The following SV2C variants were observed in gnomAD, a reference collection of about 807,000 sequenced individuals.
The protein encoded by SV2C is solute carrier family 22 member B3.
Under a neutral mutation model 79.7 loss-of-function variants are expected in SV2C, and 49 were observed. The observed-to-expected ratio is 0.61, with a 90% CI of 0.49 to 0.78. The LOEUF is 0.78. Ranked by LOEUF, SV2C falls within the 30% of genes least tolerant of loss-of-function variation. SV2C has a pLI of 0.00. For missense variants in SV2C, 833 were observed against 912.9 expected (o/e 0.91, Z 1.13); for synonymous variants, 334 against 333.2 (o/e 1.00, Z -0.03).
the SV2C span, among the ~76,000 whole-genome samples, chr5:75,935,508 A>C: frequency 6.6e-6 from 1 of 152,160 alleles, no homozygotes; most frequent in African/African-American, 2.4e-5. Context: ...AATAGTATAA[A>C]ATTGAAAATA....
Position 76,300,795 on chromosome 5 carries a change from G to T in SV2C, c.1703G>T (p.Gly568Val). 1 of 1,614,156 alleles carries T rather than the reference G, an allele frequency of 6.2e-7. No individual in the cohort carries two copies. The highest frequency in any genetic ancestry group is 1.1e-5 in the South Asian group (1 of 91,088). ...KNCSFFHNKT[G>V]CQITFDDDYS... is the part of the protein sequence containing the mutation. Reference sequence around the variant, plus strand: ...TGCTCGTTTTTTCACAACAAGACGGGATGTCAGATTACCTTTGATGATGAC... The same window carrying T: ...TGCTCGTTTTTTCACAACAAGACGGTATGTCAGATTACCTTTGATGATGAC... The change falls in exon 11 of 13, where the codon GGA (glycine) becomes GTA (valine). Residue 568 changes from glycine to valine, a missense_variant. Transcript: ENST00000502798.
intron 1 of SV2C, among the ~76,000 whole-genome samples, chr5:76,109,734 G>A (rs1436727856): frequency 3.3e-5 from 5 of 152,160 alleles, no homozygotes; most frequent in Admixed American, 6.5e-5. Flanking sequence ...GCTGGCCACC[G>A]TGGGAAGCTG....
At chr5:76,069,223 G>T in the SV2C span, among the ~76,000 whole-genome samples, 1 of 152,208 alleles carries the variant, frequency 6.6e-6, no homozygotes, top group South Asian at 2.1e-4. Flanking sequence ...AACACCATAT[G>T]CTTTGAGAAT....
At chr5:76,346,774 C>A (rs778638920) in intron 12 of SV2C, among the ~76,000 whole-genome samples, 8 of 152,190 alleles carry the variant, frequency 5.3e-5, no homozygotes, top group Non-Finnish European at 7.3e-5. Context: ...GAAACCGACT[C>A]CTCAACCTGC....
At chr5:75,991,409 A>C in the SV2C span, among the ~76,000 whole-genome samples, 1 of 151,414 alleles carries the variant, frequency 6.6e-6, no homozygotes, top group East Asian at 1.9e-4. Context: ...TGTTTATGGT[A>C]GAGTTTTTTA....
chr5:76,012,619 A>G, the SV2C span, among the ~76,000 whole-genome samples: 1 of 152,066 alleles, frequency 6.6e-6, no homozygotes, highest in Non-Finnish European at 1.5e-5. Flanking sequence ...ATTAGATCCC[A>G]TTTGTCAATT....
At chr5:76,111,440 T>C (rs1194253871) in intron 1 of SV2C, among the ~76,000 whole-genome samples, 1 of 152,184 alleles carries the variant, frequency 6.6e-6, no homozygotes, top group African/African-American at 2.4e-5. Context: ...GAAGGTAAAG[T>C]GAGGCACTTT....
chr5:76,336,213 G>A (rs1373986838), downstream of SV2C, among the ~76,000 whole-genome samples: 18 of 151,818 alleles, frequency 1.2e-4, no homozygotes, highest in East Asian at 2.9e-3. Flanking sequence ...CTTCCCAGAC[G>A]GGGTGGCTGC....
At chr5:75,868,528 G>C in the SV2C span, among the ~76,000 whole-genome samples, 1 of 152,160 alleles carries the variant, frequency 6.6e-6, no homozygotes, top group Non-Finnish European at 1.5e-5. Context: ...AAAAAACTTG[G>C]CTGCTTGCTT....
the SV2C span, among the ~76,000 whole-genome samples, chr5:75,960,199 A>G: frequency 6.6e-6 from 1 of 151,998 alleles, no homozygotes; most frequent in African/African-American, 2.4e-5. Context: ...CTTTGTTATA[A>G]CCCTATTAAC....
chr5:76,268,041 G>C (rs192398860), intron 4 of SV2C, among the ~76,000 whole-genome samples: 142 of 152,258 alleles, frequency 9.3e-4, no homozygotes, highest in Non-Finnish European at 1.1e-3. Context: ...TATCCTCCTC[G>C]TGATTCTTAG....
chr5:76,136,853 C>A (rs566805404), intron 2 of SV2C, among the ~76,000 whole-genome samples: 1 of 152,294 alleles, frequency 6.6e-6, no homozygotes, highest in East Asian at 1.9e-4. Context: ...GTGAACTTAT[C>A]TGTGGTAGGC....
the SV2C span, among the ~76,000 whole-genome samples, chr5:76,024,012 A>T: frequency 6.0e-4 from 92 of 152,118 alleles, no homozygotes; most frequent in African/African-American, 2.1e-3. Flanking sequence ...GGTAGGGGAA[A>T]CAAAAATCAC....
At chr5:76,210,862 C>T (rs548503692) in intron 4 of SV2C, among the ~76,000 whole-genome samples, 28 of 152,286 alleles carry the variant, frequency 1.8e-4, no homozygotes, top group African/African-American at 6.0e-4. Flanking sequence ...TGAATGACGA[C>T]GAACACATAT....
At chr5:76,191,345 C>T (rs758303705) in intron 2 of SV2C, among the ~76,000 whole-genome samples, 1 of 151,038 alleles carries the variant, frequency 6.6e-6, no homozygotes, top group Non-Finnish European at 1.5e-5. Context: ...TCAGTGAATT[C>T]GGAATACTAA....
chr5:75,982,798 A>G, the SV2C span, among the ~76,000 whole-genome samples: 2 of 152,172 alleles, frequency 1.3e-5, no homozygotes, highest in South Asian at 4.1e-4. Context: ...AAACAACAAG[A>G]TCATGTCCTT....
chr5:76,231,668 A>G lies in SV2C; in HGVS notation c.913+21781A>G, dbSNP rs1209611835. On this transcript the variant is annotated intron_variant, in intron 4 of 12. Transcript: ENST00000502798. Reference sequence around the variant, plus strand: ...TGATCTCATTGTTCAATTCCCACCTATGAGTGAGAATATGCGGTGTTTGGT... The same window carrying G: ...TGATCTCATTGTTCAATTCCCACCTGTGAGTGAGAATATGCGGTGTTTGGT... Among the ~76,000 whole-genome samples, 4 of 141,424 alleles carry G rather than the reference A, an allele frequency of 2.8e-5. No individual in the cohort carries two copies. The East Asian group carries it at 7.8e-4, about 28-fold the overall frequency. The allele number at this position is 141,424 out of a possible 152,430, so 92.8% of individuals were successfully genotyped here. A position where few individuals can be genotyped will look rare whatever the true frequency, so the allele number is the denominator to read the frequency against.
chr5:76,092,803 A>C (rs1217028182), intron 1 of SV2C, among the ~76,000 whole-genome samples: 1 of 152,048 alleles, frequency 6.6e-6, no homozygotes, highest in Non-Finnish European at 1.5e-5. Context: ...ATCTGTGGAA[A>C]AGTCTCCTAA....
chr5:76,129,802 T>G (rs768364244), intron 1 of SV2C, among the ~76,000 whole-genome samples: 2 of 152,204 alleles, frequency 1.3e-5, no homozygotes. Context: ...ATTCAGACTC[T>G]GCTTTCAACT....
Sources: allele counts gnomAD v4.1 joint callset (sites outside exome capture counted in the v4.1 genomes callset), GRCh38; gene constraint gnomAD v4.1.1; transcripts MANE v1.5; gene names NCBI Gene and HGNC (gene_info 2026-07-23, HGNC 2026-07-21).